Variants in DYM observed in about 807,000 individuals in gnomAD.
The protein encoded by DYM is dyggve-Melchior-Clausen syndrome protein.
DYM carries 78 observed loss-of-function variants against 93.1 expected under a neutral mutation model. The observed-to-expected ratio is 0.84, with a 90% CI of 0.70 to 1.01. DYM has a LOEUF of 1.01. DYM is among the 50% of genes least tolerant of loss of function. DYM has a pLI of 0.00. For synonymous variants in DYM, 321 were observed against 319.7 expected, an observed-to-expected ratio of 1.00 and a Z score of -0.04; for missense variants, 789 against 845.0, an observed-to-expected ratio of 0.93 and a Z score of 0.82.
intron 14 of DYM, among the ~76,000 whole-genome samples, chr18:49,196,160 A>G (rs1000345836): frequency 2.6e-5 from 4 of 152,040 alleles, no homozygotes; most frequent in South Asian, 4.1e-4. Context: ...TCCTAACCTC[A>G]GGTGATCCAC....
intron 6 of DYM, among the ~76,000 whole-genome samples, chr18:49,335,905 C>T (rs2063630038): frequency 6.6e-6 from 1 of 152,096 alleles, no homozygotes; most frequent in South Asian, 2.1e-4. Context: ...CCTCCACCTC[C>T]CAGGCTCAAG....
intron 16 of DYM, among the ~76,000 whole-genome samples, chr18:49,105,951 C>T (rs1050585712): frequency 1.3e-5 from 2 of 152,112 alleles, no homozygotes; most frequent in Admixed American, 1.3e-4. Flanking sequence ...GAGCTCAGTT[C>T]CTGGATATCC....
intron 13 of DYM, among the ~76,000 whole-genome samples, chr18:49,215,075 A>C (rs1373100284): frequency 6.6e-6 from 1 of 152,260 alleles, no homozygotes. Context: ...TGTAAATTCT[A>C]ACAATTAGAA....
intron 16 of DYM, among the ~76,000 whole-genome samples, chr18:49,115,026 T>C (rs1175144583): frequency 6.6e-6 from 1 of 152,254 alleles, no homozygotes; most frequent in Non-Finnish European, 1.5e-5. Context: ...GTTTAAGTTC[T>C]CGCTGTATCA....
intron 2 of DYM, among the ~76,000 whole-genome samples, chr18:49,399,698 G>A (rs1333661518): frequency 6.6e-6 from 1 of 152,010 alleles, no homozygotes; most frequent in Admixed American, 6.6e-5. Flanking sequence ...CCAGTTGCTT[G>A]TCTATGGCCC....
At chr18:49,351,143 C>T (rs938227982) in intron 6 of DYM, among the ~76,000 whole-genome samples, 7 of 151,876 alleles carry the variant, frequency 4.6e-5, no homozygotes, top group African/African-American at 1.2e-4. Context: ...AGGGAAGGGC[C>T]GGGTACGGTG....
intron 8 of DYM, among the ~76,000 whole-genome samples, chr18:49,289,727 G>GTA (rs386387632): frequency 0.01 from 881 of 84,664 alleles, 7 homozygotes; most frequent in Non-Finnish European, 0.011. Context: ...ATATATATGT[G>GTA]TATATATATA....
intron 6 of DYM, among the ~76,000 whole-genome samples, chr18:49,350,304 T>C (rs1046206684): frequency 1.3e-5 from 2 of 152,226 alleles, no homozygotes; most frequent in East Asian, 1.9e-4. Context: ...AATCCATACA[T>C]AGCTATAAAA....
intron 1 of DYM, among the ~76,000 whole-genome samples, chr18:49,451,348 A>C (rs2082500586): frequency 6.6e-6 from 1 of 152,194 alleles, no homozygotes; most frequent in Admixed American, 6.5e-5. Context: ...CTTTGACTGG[A>C]AGTGTATGCT....
Position 49,039,041 on chromosome 18 carries a change from G to C in DYM, c.*5014C>G, listed in dbSNP as rs1377004069. On this transcript the variant is annotated 3_prime_UTR_variant, in exon 18 of 18. Transcript: ENST00000675505. ...ATCTTTCCTAGGGCTCTGTCCTTAC[G>C]TTTGGGATTATTTTCCTTCTGCCTG... Among the ~76,000 whole-genome samples the C allele has an allele frequency of 6.6e-6, 1 of 152,064 alleles. No individual in the cohort carries two copies. Among genetic ancestry groups the C allele is most frequent in the Non-Finnish European group, 1.5e-5 (1 of 68,016 alleles).
intron 15 of DYM, among the ~76,000 whole-genome samples, chr18:49,119,982 G>A (rs1244973487): frequency 6.6e-6 from 1 of 151,642 alleles, no homozygotes; most frequent in Non-Finnish European, 1.5e-5. Flanking sequence ...GGGAGGCTGA[G>A]GGGGGAGGAT....
intron 14 of DYM, among the ~76,000 whole-genome samples, chr18:49,202,455 T>C (rs1459936742): frequency 4.4e-5 from 6 of 135,864 alleles, no homozygotes; most frequent in Admixed American, 1.5e-4. Flanking sequence ...TGGCCGCCCA[T>C]CGTCTGGGAT....
chr18:49,064,937 T>A (rs2076269877), intron 17 of DYM, among the ~76,000 whole-genome samples: 1 of 151,442 alleles, frequency 6.6e-6, no homozygotes. Flanking sequence ...AAAACACAGA[T>A]GTTCTATCCC....
rs116320346 is a variant in DYM, at chr18:49,172,043, C to T, written c.1626-8256G>A. 3.0e-3 allele frequency among the ~76,000 whole-genome samples: 460 copies of T among 152,248 alleles called. 3 individuals carry two copies. Among genetic ancestry groups the T allele is most frequent in the African/African-American group, 0.01 (425 of 41,546 alleles). ...TCAATCTCCTGCTCCAATACCCTTC[C>T]CCTCACCCTTCCAGGCAACCACTGA... On this transcript the variant is annotated intron_variant, in intron 14 of 17. Coordinates refer to ENST00000675505, the MANE Select transcript of DYM (RefSeq NM_001353214.3).
At chr18:49,221,906 T>C (rs1377594837) in intron 13 of DYM, among the ~76,000 whole-genome samples, 1 of 151,536 alleles carries the variant, frequency 6.6e-6, no homozygotes, top group Non-Finnish European at 1.5e-5. Context: ...TAAACTGTAA[T>C]AATAATAAAA....
At chr18:49,098,762 T>C (rs1163823502) in intron 16 of DYM, among the ~76,000 whole-genome samples, 1 of 152,246 alleles carries the variant, frequency 6.6e-6, no homozygotes, top group Non-Finnish European at 1.5e-5. Flanking sequence ...GTTTCTGGGA[T>C]TAATATTTTG....
chr18:49,149,704 T>G (rs2085592483), intron 15 of DYM, among the ~76,000 whole-genome samples: 2 of 131,362 alleles, frequency 1.5e-5, no homozygotes, highest in Non-Finnish European at 3.2e-5. Flanking sequence ...TACAAAGTGT[T>G]TTTTTTTTTT....
chr18:49,137,455 T>G (rs1483238663), intron 15 of DYM, among the ~76,000 whole-genome samples: 1 of 152,196 alleles, frequency 6.6e-6, no homozygotes, highest in Non-Finnish European at 1.5e-5. Flanking sequence ...TTGCCTGCCT[T>G]TATGAGAACT....
At chr18:49,383,716 C>G (rs923339616) in intron 3 of DYM, among the ~76,000 whole-genome samples, 1 of 152,154 alleles carries the variant, frequency 6.6e-6, no homozygotes, top group African/African-American at 2.4e-5. Context: ...TTCTCTGGTT[C>G]CTCAATGAAA....
Sources: allele counts gnomAD v4.1 joint callset (sites outside exome capture counted in the v4.1 genomes callset), GRCh38; gene constraint gnomAD v4.1.1; transcripts MANE v1.5; gene names NCBI Gene and HGNC (gene_info 2026-07-23, HGNC 2026-07-21).